CACNA1A: variants seen among roughly 807,000 people sequenced by gnomAD.
The protein encoded by CACNA1A is calcium voltage-gated channel subunit alpha1 A, also known as voltage-dependent P/Q-type calcium channel subunit alpha-1A.
In CACNA1A, 57 loss-of-function variants were observed where a neutral mutation model predicts 262.4. That is an observed-to-expected ratio of 0.22 (90% CI 0.18 to 0.27). The LOEUF is 0.27. Ranked by LOEUF, CACNA1A falls within the 10% of genes least tolerant of loss-of-function variation. The pLI is 1.00. For missense variants in CACNA1A, 2,526 were observed against 3,562.8 expected (o/e 0.71, Z 7.41); for synonymous variants, 1,431 against 1,419.3 (o/e 1.01, Z -0.18).
intron 45 of CACNA1A, 52 bp downstream of exon 45, chr19:13,209,260 C>G: frequency 2.1e-6 from 3 of 1,433,436 alleles, no homozygotes; most frequent in Non-Finnish European, 2.7e-6. Flanking sequence ...CCTTCTCCTC[C>G]CCTCTCCTCT....
At chr19:13,314,218 G>A (rs2058086037) in intron 11 of CACNA1A, among the ~76,000 whole-genome samples, 1 of 152,166 alleles carries the variant, frequency 6.6e-6, no homozygotes, top group African/African-American at 2.4e-5. Context: ...GGGTTTCTGA[G>A]GAGCAGAAAG....
intron 1 of CACNA1A, among the ~76,000 whole-genome samples, chr19:13,490,060 T>C (rs978716473): frequency 3.9e-5 from 6 of 152,094 alleles, no homozygotes; most frequent in Admixed American, 3.9e-4. Flanking sequence ...CTCTCTGTGT[T>C]TTGTCCATCT....
At position 13,465,237 on chromosome 19, in the gene CACNA1A, C is replaced by T. The variant is rs78656818; in HGVS notation, c.294-10025G>A. On this transcript the variant is annotated intron_variant, in intron 1 of 46. Coordinates refer to ENST00000360228, the MANE Select transcript of CACNA1A (RefSeq NM_001127222.2). ...TGAGCCACCGCGTCCAGCCTTAGTT[C>T]CTTTTCTTCAAGGAGGGAGGGAAGG... is the stretch of plus-strand genomic sequence containing the variant. 5.4e-3 allele frequency among the ~76,000 whole-genome samples: 828 copies of T among 152,002 alleles called. 2 individuals are homozygous for T. Among genetic ancestry groups the T allele is most frequent in the African/African-American group, 0.019 (791 of 41,458 alleles).
rs745440661 is a variant in CACNA1A at position 13,207,346 on chromosome 19, T to C, written c.7488A>G (p.Glu2496=). The C allele has an allele frequency of 4.3e-5, 67 of 1,560,142 alleles. No homozygotes were observed. Among genetic ancestry groups the C allele is most frequent in the South Asian group, 3.5e-4 (30 of 86,736 alleles). The change falls in exon 47 of 47, where the codon GAA becomes GAG. Residue 2496 remains glutamate, a synonymous_variant. Transcript: ENST00000360228. This position sits in a 1 kb window ranked among gnomAD's most constrained non-coding sequence, Gnocchi z 5.7. The stretch of plus-strand genomic sequence containing the variant: ...AATCATCGTCACTCTCGCTGTAGGG[T>C]TCGTGCAGGCCCTTCCTGGAGCCCG... ...RGPGSRKGLH[E]PYSESDDDWC is the part of the protein sequence containing the mutation.
At chr19:13,297,316 A>C (rs915364382) in intron 19 of CACNA1A, among the ~76,000 whole-genome samples, 2 of 152,182 alleles carry the variant, frequency 1.3e-5, no homozygotes, top group African/African-American at 2.4e-5. Flanking sequence ...TGAAATGCTC[A>C]AGGCCTCTGG....
intron 3 of CACNA1A, among the ~76,000 whole-genome samples, chr19:13,414,733 G>T (rs750175792): frequency 1.3e-5 from 2 of 151,806 alleles, no homozygotes; most frequent in Non-Finnish European, 2.9e-5. Context: ...CAAAGTGGGC[G>T]GATCGCTTGA....
chr19:13,474,351 T>A (rs1978313447), intron 1 of CACNA1A, among the ~76,000 whole-genome samples: 1 of 152,200 alleles, frequency 6.6e-6, no homozygotes, highest in Non-Finnish European at 1.5e-5. Flanking sequence ...TCAGAGCTAT[T>A]TGTTAATTTG....
chr19:13,207,790 A>G lies in CACNA1A; in HGVS notation c.7044T>C (p.Pro2348=). 1 of 1,396,728 alleles carries G rather than the reference A, an allele frequency of 7.2e-7. No homozygotes were observed. The allele number at this position is 1,396,728 out of a possible 1,614,324, so 86.5% of individuals were successfully genotyped here. The change falls in exon 47 of 47, where the codon CCT becomes CCC. Residue 2348 remains proline, a synonymous_variant. Transcript: ENST00000360228. This position sits in a 1 kb window ranked among gnomAD's most constrained non-coding sequence, Gnocchi z 5.7. The part of the protein sequence containing the change: ...PRRYPGPTAE[P]LAGDRPPTGG... ...CCGTGGGCGGCCGATCTCCGGCCAG[A>G]GGCTCGGCCGTGGGGCCTGGGTACC...
intron 15 of CACNA1A, among the ~76,000 whole-genome samples, chr19:13,304,712 CTCTT>C (rs2057864085): frequency 1.3e-5 from 2 of 149,736 alleles, no homozygotes; most frequent in Non-Finnish European, 3.0e-5. Flanking sequence ...CTCTCTCTCT[CTCTT>C]TGACATATGA....
At chr19:13,282,071 C>T (rs775579479) in intron 22 of CACNA1A, among the ~76,000 whole-genome samples, 50 of 152,336 alleles carry the variant, frequency 3.3e-4, no homozygotes, top group Non-Finnish European at 6.2e-4. Context: ...AGCAACTAAG[C>T]GGACTGTGAG....
intron 10 of CACNA1A, among the ~76,000 whole-genome samples, chr19:13,321,074 C>T (rs2058242668): frequency 6.7e-6 from 1 of 149,874 alleles, no homozygotes; most frequent in African/African-American, 2.5e-5. Flanking sequence ...CATTCTGTCA[C>T]CCGGGCTGGA....
intron 24 of CACNA1A, among the ~76,000 whole-genome samples, chr19:13,263,751 C>G (rs2056796267): frequency 2.6e-5 from 4 of 151,618 alleles, no homozygotes; most frequent in Non-Finnish European, 5.9e-5. Flanking sequence ...GAACTCCTGA[C>G]CTCAGGTGAT....
intron 15 of CACNA1A, among the ~76,000 whole-genome samples, chr19:13,305,752 C>T (rs758123379): frequency 5.3e-5 from 8 of 152,092 alleles, no homozygotes; most frequent in Non-Finnish European, 8.8e-5. Context: ...ACATGACTAG[C>T]GATCAGTGCT....
In CACNA1A at chr19:13,497,572, AT is replaced by A. The variant is rs1568710104; in HGVS notation, c.293+8359del. Among the ~76,000 whole-genome samples, 156 of 38,918 alleles carry A rather than the reference AT, an allele frequency of 4.0e-3. 33 individuals carry two copies. Among genetic ancestry groups the A allele is most frequent in the Non-Finnish European group, 4.3e-3 (93 of 21,758 alleles). The allele number at this position is 38,918 out of a possible 152,430, so 25.5% of individuals were successfully genotyped here. ...TATATATATATATATATATATATAT[AT>A]ATATATAAATTTATGTTGTTAAAGC... On this transcript the variant is annotated intron_variant, in intron 1 of 46. Coordinates refer to ENST00000360228, the MANE Select transcript of CACNA1A (RefSeq NM_001127222.2).
In CACNA1A at chr19:13,219,042, A is replaced by G. The variant is rs1470422385; in HGVS notation, c.5732-4434T>C. Among the ~76,000 whole-genome samples, 15 of 118,030 alleles carry G rather than the reference A, an allele frequency of 1.3e-4. No homozygotes were observed. In the Admixed American group the frequency reaches 1.4e-3, roughly 11 times the overall value. 77.4% of individuals were successfully genotyped at this position (118,030 alleles called of 152,430 possible). A position where few individuals can be genotyped will look rare whatever the true frequency, so the allele number is the denominator to read the frequency against. On this transcript the variant is annotated intron_variant, in intron 38 of 46. Coordinates refer to ENST00000360228, the MANE Select transcript of CACNA1A (RefSeq NM_001127222.2). ...AGCCACCATGCCAGGCCCTTTGCAGATTTTTTTTTTTTTTTTTTTTCTAAT... is the reference window on the plus strand; with the variant it reads ...AGCCACCATGCCAGGCCCTTTGCAGGTTTTTTTTTTTTTTTTTTTTCTAAT...
chr19:13,300,014 C>T (rs989498723), intron 18 of CACNA1A, among the ~76,000 whole-genome samples: 8 of 152,162 alleles, frequency 5.3e-5, no homozygotes, highest in Admixed American at 1.3e-4. Context: ...GCTGATCTGA[C>T]GGCAGGTGGA....
intron 35 of CACNA1A, among the ~76,000 whole-genome samples, chr19:13,230,660 C>T (rs1323679072): frequency 6.6e-6 from 1 of 152,054 alleles, no homozygotes. Flanking sequence ...CAAAAATTAG[C>T]TGGGTGTGGT....
intron 3 of CACNA1A, among the ~76,000 whole-genome samples, chr19:13,381,151 G>A (rs2144607228): frequency 6.6e-6 from 1 of 152,248 alleles, no homozygotes; most frequent in East Asian, 1.9e-4. Flanking sequence ...TCGGGAGGCT[G>A]AGGCAGGAGG....
At position 13,206,693 on chromosome 19, in the gene CACNA1A, A is replaced by T. The variant is rs1473001481; in HGVS notation, c.*620T>A. The stretch of plus-strand genomic sequence containing the variant: ...TGTTTATTGTTATTATTATTTTTTT[A>T]AATTGATTTCTGCAGGCAGTAATAG... On this transcript the variant is annotated 3_prime_UTR_variant, in exon 47 of 47. Transcript: ENST00000360228. 1 of 153,300 alleles carries T rather than the reference A, an allele frequency of 6.5e-6. No homozygotes were observed. Among genetic ancestry groups the T allele is most frequent in the South Asian group, 2.0e-4 (1 of 4,894 alleles). 9.5% of individuals were successfully genotyped at this position (153,300 alleles called of 1,614,324 possible).
Sources: gnomAD v4.1 joint callset for allele counts (sites outside exome capture counted in the v4.1 genomes callset) on GRCh38, gnomAD v4.1.1 for gene constraint, Gnocchi (gnomAD v3.1) non-coding constraint, MANE v1.5 for transcripts, NCBI Gene and HGNC (gene_info 2026-07-23, HGNC 2026-07-21) for gene names.